The following SSBP2 variants were observed in gnomAD, a reference collection of about 807,000 sequenced individuals.
SSBP2 encodes single stranded DNA binding protein 2, also known as single-stranded DNA-binding protein 2.
Under a neutral mutation model 61.8 loss-of-function variants are expected in SSBP2, and 17 were observed. The ratio of observed to expected loss-of-function variants is 0.28; its 90% confidence interval spans 0.19 to 0.41. The LOEUF is 0.41. Ranked by LOEUF, SSBP2 falls within the 10% of genes least tolerant of loss-of-function variation. The pLI is 1.00. For synonymous variants in SSBP2, 139 were observed against 141.3 expected (o/e 0.98, Z 0.12); for missense variants, 310 against 458.7 (o/e 0.68, Z 2.96).
chr5:81,726,245 G>C (rs16899104), intron 1 of SSBP2, among the ~76,000 whole-genome samples: 2,492 of 152,176 alleles, frequency 0.016, 75 homozygotes, highest in African/African-American at 0.056. Flanking sequence ...AAGAAACACT[G>C]AACAAATACA....
At chr5:81,698,589 A>G (rs1045945804) in intron 1 of SSBP2, among the ~76,000 whole-genome samples, 2 of 152,166 alleles carry the variant, frequency 1.3e-5, no homozygotes, top group Non-Finnish European at 2.9e-5. Flanking sequence ...TGGTGGGCGG[A>G]TTACTTGAGG....
At chr5:81,627,332 T>C (rs1252983660) in intron 3 of SSBP2, among the ~76,000 whole-genome samples, 6 of 152,154 alleles carry the variant, frequency 3.9e-5, no homozygotes, top group African/African-American at 1.4e-4. Flanking sequence ...CCCTTCTCAC[T>C]CTTATCAGCC....
chr5:81,483,336 G>A (rs1051447732), intron 6 of SSBP2, among the ~76,000 whole-genome samples: 1 of 152,026 alleles, frequency 6.6e-6, no homozygotes, highest in African/African-American at 2.4e-5. Context: ...AGTAAAATGA[G>A]GTATGCCTGT....
intron 1 of SSBP2, among the ~76,000 whole-genome samples, chr5:81,659,528 TG>T (rs1396988301): frequency 6.6e-6 from 1 of 152,050 alleles, no homozygotes; most frequent in Non-Finnish European, 1.5e-5. Flanking sequence ...CACAAACAAA[TG>T]GAAAAACATT....
At chr5:81,511,698 A>T (rs1768620869) in intron 5 of SSBP2, among the ~76,000 whole-genome samples, 3 of 152,214 alleles carry the variant, frequency 2.0e-5, no homozygotes, top group Admixed American at 2.0e-4. Flanking sequence ...AGGTCATCAC[A>T]GAACTTTAAA....
At chr5:81,513,568 A>T in intron 5 of SSBP2, 60 bp downstream of exon 5, 1 of 1,033,378 alleles carries the variant, frequency 9.7e-7, no homozygotes, top group Non-Finnish European at 1.5e-6. Flanking sequence ...TCGTATCTTT[A>T]ATAAAATCAA....
chr5:81,731,869 C>T (rs1756290667), intron 1 of SSBP2, among the ~76,000 whole-genome samples: 1 of 150,982 alleles, frequency 6.6e-6, no homozygotes, highest in African/African-American at 2.4e-5. Flanking sequence ...ATAATATTAA[C>T]TTAAACAGAG....
chr5:81,421,973 T>G (rs983456118), intron 16 of SSBP2, among the ~76,000 whole-genome samples: 1 of 152,196 alleles, frequency 6.6e-6, no homozygotes, highest in Non-Finnish European at 1.5e-5. Context: ...TAATCCCACA[T>G]GGTAATTTAC....
chr5:81,460,788 T>G (rs1764482100), intron 10 of SSBP2, among the ~76,000 whole-genome samples: 3 of 152,154 alleles, frequency 2.0e-5, no homozygotes, highest in Admixed American at 2.0e-4. Flanking sequence ...TAGTATATAC[T>G]TAAGTCACAC....
intron 4 of SSBP2, among the ~76,000 whole-genome samples, chr5:81,606,033 A>G (rs1744852951): frequency 6.6e-6 from 1 of 152,206 alleles, no homozygotes; most frequent in African/African-American, 2.4e-5. Flanking sequence ...TATTCTGGAA[A>G]TGAGCATCTC....
chr5:81,518,262 T>C (rs1769188615), intron 4 of SSBP2, among the ~76,000 whole-genome samples: 1 of 152,150 alleles, frequency 6.6e-6, no homozygotes, highest in South Asian at 2.1e-4. Flanking sequence ...CAGGGGATTA[T>C]AGATTTTCCT....
At chr5:81,640,443 T>C (rs995513468) in intron 2 of SSBP2, among the ~76,000 whole-genome samples, 1 of 152,108 alleles carries the variant, frequency 6.6e-6, no homozygotes, top group Non-Finnish European at 1.5e-5. Flanking sequence ...AAACTACATA[T>C]GAACAATAAA....
chr5:81,744,865 T>G (rs1340944564), intron 1 of SSBP2, among the ~76,000 whole-genome samples: 1 of 152,064 alleles, frequency 6.6e-6, no homozygotes, highest in Non-Finnish European at 1.5e-5. Flanking sequence ...ATGAGAGTAG[T>G]TTTGTCATTT....
intron 10 of SSBP2, among the ~76,000 whole-genome samples, chr5:81,451,214 G>A (rs1437039508): frequency 6.6e-6 from 1 of 152,034 alleles, no homozygotes; most frequent in Non-Finnish European, 1.5e-5. Context: ...ACACCATCCT[G>A]AGTAAATATT....
chr5:81,607,649 G>C (rs1745010479), intron 4 of SSBP2, among the ~76,000 whole-genome samples: 1 of 152,112 alleles, frequency 6.6e-6, no homozygotes, highest in Non-Finnish European at 1.5e-5. Flanking sequence ...GATCATTTAA[G>C]TCCATTTAAT....
In SSBP2 at chr5:81,455,061, T is replaced by C. The variant is rs575860790; in HGVS notation, c.687+5994A>G. Among the ~76,000 whole-genome samples, 4 of 152,264 alleles carry C rather than the reference T, an allele frequency of 2.6e-5. No individual in the cohort carries two copies. In the South Asian group the frequency reaches 8.3e-4, roughly 32 times the overall value. Reference sequence around the variant, plus strand: ...GGGAGGACCTGGCTGAGGCTGAACATCACAGATCCTAATTATAACGTGTTA... The same window carrying C: ...GGGAGGACCTGGCTGAGGCTGAACACCACAGATCCTAATTATAACGTGTTA... On this transcript the variant is annotated intron_variant, in intron 10 of 16. Transcript: ENST00000320672.
Position 81,636,426 on chromosome 5 carries a change from A to G in SSBP2, c.197+131T>C, listed in dbSNP as rs1481690370. 5 of 654,240 alleles carry G rather than the reference A, an allele frequency of 7.6e-6. No homozygotes were observed. The East Asian group carries it at 1.4e-4, about 19-fold the overall frequency. 40.5% of individuals were successfully genotyped at this position (654,240 alleles called of 1,614,324 possible). On this transcript the variant is annotated intron_variant, in intron 3 of 16. Coordinates refer to ENST00000320672, the MANE Select transcript of SSBP2 (RefSeq NM_012446.5). ...AGTGCTGGTTTTTAAGGGTTTTTTA[A>G]AAAGTGCTACCTTCCAGAAAATTTT... is the stretch of plus-strand genomic sequence containing the variant.
At chr5:81,729,906 A>G (rs1756140601) in intron 1 of SSBP2, among the ~76,000 whole-genome samples, 1 of 152,168 alleles carries the variant, frequency 6.6e-6, no homozygotes, top group African/African-American at 2.4e-5. Flanking sequence ...AAATAGTTAT[A>G]TAAATAGGCA....
intron 8 of SSBP2, among the ~76,000 whole-genome samples, chr5:81,469,857 T>C (rs1196210028): frequency 6.6e-6 from 1 of 151,982 alleles, no homozygotes; most frequent in African/African-American, 2.4e-5. Flanking sequence ...CACTGAATTT[T>C]AAAGCTGATG....
Sources: gnomAD v4.1 joint callset for allele counts (sites outside exome capture counted in the v4.1 genomes callset) on GRCh38, gnomAD v4.1.1 for gene constraint, MANE v1.5 for transcripts, NCBI Gene and HGNC (gene_info 2026-07-23, HGNC 2026-07-21) for gene names.